POTEG: variants seen among roughly 807,000 people sequenced by gnomAD.
POTEG encodes POTE ankyrin domain family member G, also known as ANKRD26-like family C member 2.
A neutral mutation model predicts 49.6 loss-of-function variants in POTEG; 2 were observed. That is an observed-to-expected ratio of 0.04 (90% CI 0.02 to 0.13). POTEG has a LOEUF of 0.13. Among genes scored for constraint, POTEG ranks in the 10% least tolerant of loss-of-function variants. The pLI is 1.00. For missense variants in POTEG, 26 were observed against 545.2 expected, an observed-to-expected ratio of 0.05 and a Z score of 9.48; for synonymous variants, 7 against 186.6, an observed-to-expected ratio of 0.04 and a Z score of 7.84.
intron 7 of POTEG, among the ~76,000 whole-genome samples, chr14:19,415,829 A>ATTTTTTTTTTT (rs58833974): frequency 1.0e-5 from 1 of 96,696 alleles, no homozygotes; most frequent in African/African-American, 4.5e-5. Context: ...ATCTATTAAA[A>ATTTTTTTTTTT]TTTTTTTTTT....
intron 7 of POTEG, among the ~76,000 whole-genome samples, 185 bp downstream of exon 7, chr14:19,416,103 C>A (rs1883555439): frequency 1.4e-5 from 2 of 146,448 alleles, no homozygotes; most frequent in Admixed American, 1.4e-4. Context: ...CTCAGCCTCT[C>A]AAAGTGCTGA....
At chr14:19,415,963 G>A (rs1166465008) in intron 7 of POTEG, among the ~76,000 whole-genome samples, 1 of 148,114 alleles carries the variant, frequency 6.8e-6, no homozygotes, top group Non-Finnish European at 1.5e-5. Context: ...TCCTGCCTCA[G>A]CCTCCTGAGT....
rs867004988 is a variant in POTEG at position 19,419,922 on chromosome 14, C to G, written c.1126+1702G>C. ...ACTTCCCATGGCCCATGGGGTAAAACCTACTCATTTCTATAGTATTAAAAA... is the reference window on the plus strand; with the variant it reads ...ACTTCCCATGGCCCATGGGGTAAAAGCTACTCATTTCTATAGTATTAAAAA... On this transcript the variant is annotated intron_variant, in intron 6 of 10. Coordinates refer to ENST00000547848, the MANE Select transcript of POTEG (RefSeq NM_001005356.3). Among the ~76,000 whole-genome samples, 903 of 142,424 alleles carry G rather than the reference C, an allele frequency of 6.3e-3. 60 individuals carry two copies. The highest frequency in any genetic ancestry group is 0.018 in the African/African-American group (659 of 35,710). The allele number at this position is 142,424 out of a possible 152,430, so 93.4% of individuals were successfully genotyped here. A position where few individuals can be genotyped will look rare whatever the true frequency, so the allele number is the denominator to read the frequency against.
chr14:19,415,324 C>A (rs1267127498), intron 7 of POTEG, among the ~76,000 whole-genome samples: 4 of 143,196 alleles, frequency 2.8e-5, no homozygotes, highest in African/African-American at 1.0e-4. Context: ...CACCAAAGGT[C>A]CCATTCTGCA....
intron 1 of POTEG, among the ~76,000 whole-genome samples, chr14:19,433,232 G>A (rs997138434): frequency 7.2e-6 from 1 of 138,990 alleles, no homozygotes; most frequent in East Asian, 2.1e-4. Flanking sequence ...CAGCCAAAAA[G>A]CTCACATCTT....
At chr14:19,423,890 T>C (rs1389461781) in intron 5 of POTEG, 3 of 293,574 alleles carry the variant, frequency 1.0e-5, no homozygotes, top group African/African-American at 6.5e-5. Context: ...TTTTATCCCA[T>C]GCATAGGTGC....
At chr14:19,416,135 C>T (rs1364629208) in intron 7 of POTEG, among the ~76,000 whole-genome samples, 153 bp downstream of exon 7, 27 of 146,850 alleles carry the variant, frequency 1.8e-4, no homozygotes, top group Admixed American at 7.5e-4. Flanking sequence ...TGAGCCACCC[C>T]CCCAGCCAAA....
chr14:19,408,554 A>AT (rs1223675709), intron 9 of POTEG, among the ~76,000 whole-genome samples: 9 of 150,116 alleles, frequency 6.0e-5, no homozygotes, highest in African/African-American at 1.2e-4. Context: ...CCACCCTAAT[A>AT]TTTTTTTAAA....
chr14:19,415,843 T>C (rs1375947873), intron 7 of POTEG, among the ~76,000 whole-genome samples: 3,751 of 133,872 alleles, frequency 0.028, 62 homozygotes, highest in East Asian at 0.074. Flanking sequence ...TTTTTTTTTT[T>C]TTTTTTTTTT....
intron 1 of POTEG, among the ~76,000 whole-genome samples, chr14:19,432,459 C>CGT (rs1884198415): frequency 1.8e-4 from 6 of 33,632 alleles, no homozygotes; most frequent in Admixed American, 3.6e-4. Flanking sequence ...TATATATATA[C>CGT]ATATATACAT....
Position 19,409,150 on chromosome 14 carries a change from CTTAT to C in POTEG, c.1409+4200_1409+4203del, listed in dbSNP as rs1273839856. ...ATAAACTCCATTCATTCATTTAATA[CTTAT>C]TTATTAGGTAGCTACGTCTGATAGG... On this transcript the variant is annotated intron_variant, in intron 9 of 10. Coordinates refer to ENST00000547848, the MANE Select transcript of POTEG (RefSeq NM_001005356.3). Among the ~76,000 whole-genome samples the C allele has an allele frequency of 6.7e-5, 3 of 45,108 alleles. No individual in the cohort carries two copies. The Admixed American group carries it at 8.4e-4, about 13-fold the overall frequency. The allele number at this position is 45,108 out of a possible 152,430, so 29.6% of individuals were successfully genotyped here.
chr14:19,432,362 TTTTGTATATATATATATA>T (rs1566383030), intron 1 of POTEG, among the ~76,000 whole-genome samples: 6 of 31,676 alleles, frequency 1.9e-4, no homozygotes, highest in Non-Finnish European at 3.9e-4. Context: ...AAAAAAGAAA[TTTTGTATATATATATATA>T]TATATATATA....
intron 1 of POTEG, among the ~76,000 whole-genome samples, chr14:19,432,447 C>CACAT (rs1444431660): frequency 1.1e-3 from 72 of 68,254 alleles, no homozygotes; most frequent in Middle Eastern, 7.5e-3. Flanking sequence ...TATATATATA[C>CACAT]ATATATATAT....
chr14:19,414,387 G>T (rs1438524241), intron 8 of POTEG, among the ~76,000 whole-genome samples, 175 bp downstream of exon 8: 2 of 146,002 alleles, frequency 1.4e-5, no homozygotes, highest in East Asian at 4.0e-4. Flanking sequence ...TATCTCTAGG[G>T]TTTGCATCTC....
chr14:19,419,507 C>A (rs1883669345), intron 6 of POTEG, among the ~76,000 whole-genome samples: 1 of 11,770 alleles, frequency 8.5e-5, no homozygotes, highest in Non-Finnish European at 1.5e-4. Flanking sequence ...TGAGCCCCTG[C>A]AGCACACATT....
chr14:19,414,874 A>AACCAGCAAC (rs1449367798), intron 7 of POTEG, among the ~76,000 whole-genome samples: 1 of 131,856 alleles, frequency 7.6e-6, no homozygotes, highest in Non-Finnish European at 1.8e-5. Flanking sequence ...GAAAAACATG[A>AACCAGCAAC]ACCAGCAAAC....
chr14:19,414,429 A>C, intron 8 of POTEG, 133 bp downstream of exon 8: 1 of 608,248 alleles, frequency 1.6e-6, no homozygotes. Context: ...TTCTGAGTTA[A>C]GTATTAAATT....
chr14:19,414,946 A>G (rs1883492511), intron 7 of POTEG, among the ~76,000 whole-genome samples: 1 of 136,454 alleles, frequency 7.3e-6, no homozygotes, highest in Admixed American at 7.3e-5. Context: ...TCTACCAAAA[A>G]TGAATCAGCA....
At chr14:19,426,502 G>C (rs1361734102) in intron 3 of POTEG, among the ~76,000 whole-genome samples, 1 of 152,160 alleles carries the variant, frequency 6.6e-6, no homozygotes, top group Non-Finnish European at 1.5e-5. Context: ...ACTGACCTAA[G>C]CACTTGAATG....
Sources: gnomAD v4.1 joint callset for allele counts (sites outside exome capture counted in the v4.1 genomes callset) on GRCh38, gnomAD v4.1.1 for gene constraint, MANE v1.5 for transcripts, NCBI Gene and HGNC (gene_info 2026-07-23, HGNC 2026-07-21) for gene names.